Variants in PADI3 observed in about 807,000 individuals in gnomAD.
PADI3 encodes protein-arginine deiminase type-3.
PADI3 carries 53 observed loss-of-function variants against 71.5 expected under a neutral mutation model. That is an observed-to-expected ratio of 0.74 (90% CI 0.59 to 0.93). The LOEUF is 0.93. Ranked by LOEUF, PADI3 falls within the 40% of genes least tolerant of loss-of-function variation. The pLI, the probability that PADI3 is intolerant of heterozygous loss-of-function variation, is 0.00. For synonymous variants in PADI3, 361 were observed against 347.5 expected (o/e 1.04, Z -0.43); for missense variants, 821 against 868.0 (o/e 0.95, Z 0.68).
At chr1:17,280,287 TA>T in intron 13 of PADI3, 62 bp from the exon 14 acceptor site, 2 of 1,304,372 alleles carry the variant, frequency 1.5e-6, no homozygotes, top group Non-Finnish European at 2.2e-6. Context: ...TCTGCTTCCC[TA>T]AGCAGGTGGT....
intron 13 of PADI3, among the ~76,000 whole-genome samples, chr1:17,279,856 T>C (rs1242088966): frequency 6.6e-6 from 1 of 152,196 alleles, no homozygotes; most frequent in Non-Finnish European, 1.5e-5. Context: ...TGAGAAAATC[T>C]GGACCCCTGG....
At chr1:17,271,765 C>G (rs2073255523) in intron 9 of PADI3, among the ~76,000 whole-genome samples, 1 of 146,776 alleles carries the variant, frequency 6.8e-6, no homozygotes, top group Non-Finnish European at 1.5e-5. Flanking sequence ...AGAGGATCAC[C>G]TGAGTTTAGG....
At chr1:17,280,329 T>C in intron 13 of PADI3, 21 bp from the exon 14 acceptor site, 1 of 1,604,650 alleles carries the variant, frequency 6.2e-7, no homozygotes, top group South Asian at 1.1e-5. Flanking sequence ...TGTCCTTCTC[T>C]TTCATCTCTC....
rs1392764439 is a variant in PADI3, at chr1:17,266,785, C to A, written c.475C>A (p.Pro159Thr). 1.2e-6 allele frequency: 2 copies of A among 1,614,144 alleles called. No homozygotes were observed. The highest frequency in any genetic ancestry group is 1.7e-6 in the Non-Finnish European group (2 of 1,180,016). The change falls in exon 5 of 16, where the codon CCG (proline) becomes ACG (threonine). Residue 159 changes from proline to threonine, a missense_variant. By Grantham distance (38) the Pro-to-Thr change is conservative (BLOSUM62 -1). Transcript: ENST00000375460. ...GCTGGTGAACTGTGACCGTGATGAT[C>A]CGAGCTGTGATGTCCAGGACAATTG... ...ILLVNCDRDD[P>T]SCDVQDNCDQ...
chr1:17,278,578 G>T (rs1178720588), intron 13 of PADI3, among the ~76,000 whole-genome samples: 1 of 151,684 alleles, frequency 6.6e-6, no homozygotes, highest in Non-Finnish European at 1.5e-5. Flanking sequence ...GAAGAATTTT[G>T]AGAGAGAGAG....
At chr1:17,255,234 T>C (rs1187621103) in intron 1 of PADI3, among the ~76,000 whole-genome samples, 1 of 152,238 alleles carries the variant, frequency 6.6e-6, no homozygotes, top group Non-Finnish European at 1.5e-5. Context: ...GCAAATTCTG[T>C]ATCCAGGAAC....
chr1:17,276,938 A>G lies in PADI3; in HGVS notation c.1555+62A>G, dbSNP rs1445195359. 13 of 1,412,606 alleles carry G rather than the reference A, an allele frequency of 9.2e-6. No homozygotes were observed. The Admixed American group carries it at 2.8e-4, about 31-fold the overall frequency. The allele number at this position is 1,412,606 out of a possible 1,614,324, so 87.5% of individuals were successfully genotyped here. Reference sequence around the variant, plus strand: ...CTGCCCCTTACCCAAATTAAGACACATCATGGCTTGAGAGGGGGAGGGCAA... The same window carrying G: ...CTGCCCCTTACCCAAATTAAGACACGTCATGGCTTGAGAGGGGGAGGGCAA... On this transcript the variant is annotated intron_variant, in intron 13 of 15. Transcript: ENST00000375460.
At chr1:17,282,042 G>A (rs1476623335) in intron 15 of PADI3, among the ~76,000 whole-genome samples, 3 of 152,144 alleles carry the variant, frequency 2.0e-5, no homozygotes, top group South Asian at 2.1e-4. Flanking sequence ...TTCATGCCCC[G>A]CTTTTTCCTT....
intron 11 of PADI3, 85 bp from the exon 12 acceptor site, chr1:17,276,434 G>A: frequency 7.2e-7 from 1 of 1,390,968 alleles, no homozygotes; most frequent in Non-Finnish European, 1.0e-6. Context: ...ATCAGATATT[G>A]CAGGAATGCT....
chr1:17,254,324 T>C (rs1163528884), intron 1 of PADI3, among the ~76,000 whole-genome samples: 1 of 152,112 alleles, frequency 6.6e-6, no homozygotes, highest in Non-Finnish European at 1.5e-5. Flanking sequence ...GTTGGTCATC[T>C]TGTCAACCTT....
intron 6 of PADI3, 28 bp downstream of exon 6, chr1:17,267,990 T>A (rs770242928): frequency 1.9e-6 from 3 of 1,613,142 alleles, no homozygotes; most frequent in Non-Finnish European, 2.5e-6. Flanking sequence ...CCCCTTGCCA[T>A]CTGTGCCCTG....
At chr1:17,280,081 C>T (rs1389448188) in intron 13 of PADI3, among the ~76,000 whole-genome samples, 6 of 152,204 alleles carry the variant, frequency 3.9e-5, no homozygotes, top group Non-Finnish European at 8.8e-5. Context: ...CAGTGACAGG[C>T]GTTACCACTT....
Position 17,276,887 on chromosome 1 carries a change from G to A in PADI3, c.1555+11G>A, listed in dbSNP as rs771399404. 6.2e-7 allele frequency: 1 copy of A among 1,601,014 alleles called. No homozygotes were observed. The highest frequency in any genetic ancestry group is 1.3e-5 in the African/African-American group (1 of 74,508). ...TCCAGGGGGTTGTTGGTGGGTAACA[G>A]TGCCGTGTCCCTCCTTGCGGCTTGC... is the stretch of plus-strand genomic sequence containing the variant. On this transcript the variant is annotated intron_variant, in intron 13 of 15. Coordinates refer to ENST00000375460, the MANE Select transcript of PADI3 (RefSeq NM_016233.2).
At chr1:17,266,976 C>G in intron 5 of PADI3, 140 bp downstream of exon 5, 1 of 677,244 alleles carries the variant, frequency 1.5e-6, no homozygotes, top group Non-Finnish European at 2.6e-6. Flanking sequence ...CGATGCTCCT[C>G]AAAACCCATC....
intron 1 of PADI3, among the ~76,000 whole-genome samples, chr1:17,250,813 GT>G: frequency 6.6e-6 from 1 of 152,336 alleles, no homozygotes; most frequent in East Asian, 1.9e-4. Context: ...TGTGTCTCCG[GT>G]TTGACCTGTC....
chr1:17,273,208 G>A (rs953168118), intron 9 of PADI3, 132 bp from the exon 10 acceptor site: 23 of 640,258 alleles, frequency 3.6e-5, no homozygotes, highest in Middle Eastern at 4.2e-4. Context: ...GGTCCTGTCC[G>A]CCTCCAAGCA....
chr1:17,260,543 C>T (rs936286293), intron 2 of PADI3, among the ~76,000 whole-genome samples: 8 of 152,142 alleles, frequency 5.3e-5, no homozygotes, highest in African/African-American at 1.4e-4. Flanking sequence ...ATGCCCATTT[C>T]GCAGATGGGG....
chr1:17,271,505 G>A (rs557173009), intron 9 of PADI3, among the ~76,000 whole-genome samples: 3 of 152,302 alleles, frequency 2.0e-5, no homozygotes, highest in East Asian at 3.9e-4. Context: ...CCCAGGAGAC[G>A]TTTTGCAGTA....
chr1:17,279,485 G>A (rs1223791764), intron 13 of PADI3, among the ~76,000 whole-genome samples: 2 of 152,136 alleles, frequency 1.3e-5, no homozygotes, highest in East Asian at 1.9e-4. Context: ...GGGGTGAAGC[G>A]GGCGTTAGAC....
Sources: allele counts gnomAD v4.1 joint callset (sites outside exome capture counted in the v4.1 genomes callset), GRCh38; gene constraint gnomAD v4.1.1; transcripts MANE v1.5; gene names NCBI Gene and HGNC (gene_info 2026-07-23, HGNC 2026-07-21).